DLGAP2: variants seen among roughly 807,000 people sequenced by gnomAD.
The protein encoded by DLGAP2 is disks large-associated protein 2.
DLGAP2 carries 26 observed loss-of-function variants against 100.3 expected under a neutral mutation model. The observed-to-expected ratio is 0.26, with a 90% CI of 0.19 to 0.36. The LOEUF is 0.36. Ranked by LOEUF, DLGAP2 falls within the 10% of genes least tolerant of loss-of-function variation. The probability of loss-of-function intolerance (pLI) is 1.00; values close to 1 mark genes in which losing one functional copy is unlikely to be tolerated. For synonymous variants in DLGAP2, 886 were observed against 630.1 expected, an observed-to-expected ratio of 1.41 and a Z score of -6.08; for missense variants, 1,858 against 1,453.2, an observed-to-expected ratio of 1.28 and a Z score of -4.53.
intron 2 of DLGAP2, among the ~76,000 whole-genome samples, chr8:1,144,967 G>A (rs181390247): frequency 3.1e-4 from 47 of 152,334 alleles, no homozygotes; most frequent in Admixed American, 2.5e-3. Context: ...GACCGCAGAC[G>A]GCCTGTATGA....
chr8:1,391,003 C>T (rs982329592), intron 3 of DLGAP2, among the ~76,000 whole-genome samples: 1 of 152,178 alleles, frequency 6.6e-6, no homozygotes, highest in Non-Finnish European at 1.5e-5. Context: ...GGGGCAGCAG[C>T]TGAACCCCCC....
intron 1 of DLGAP2, among the ~76,000 whole-genome samples, chr8:901,624 A>C (rs1336852326): frequency 1.3e-5 from 2 of 152,160 alleles, no homozygotes; most frequent in East Asian, 3.9e-4. Context: ...GCAGTATGTA[A>C]GCATGTGGAG....
At chr8:1,334,722 C>G (rs1040470967) in intron 3 of DLGAP2, among the ~76,000 whole-genome samples, 4 of 152,102 alleles carry the variant, frequency 2.6e-5, no homozygotes, top group Non-Finnish European at 4.4e-5. Flanking sequence ...GGCCGTGTGC[C>G]TTCTGTAGCA....
At chr8:1,683,265 G>A (rs34337086) in intron 12 of DLGAP2, among the ~76,000 whole-genome samples, 1,615 of 151,710 alleles carry the variant, frequency 0.011, 64 homozygotes, top group Non-Finnish European at 0.018. Flanking sequence ...GCCTTGACAC[G>A]CGGTTGGATT....
At chr8:969,176 C>T (rs1193155463) in intron 2 of DLGAP2, among the ~76,000 whole-genome samples, 1 of 152,192 alleles carries the variant, frequency 6.6e-6, no homozygotes, top group Non-Finnish European at 1.5e-5. Flanking sequence ...AAAGACCTGA[C>T]TAGAATGAAG....
chr8:953,814 C>CT (rs1799536953), intron 2 of DLGAP2, among the ~76,000 whole-genome samples: 1 of 151,824 alleles, frequency 6.6e-6, no homozygotes, highest in African/African-American at 2.4e-5. Flanking sequence ...GCAGCAGAAG[C>CT]GCTTTATGGG....
At chr8:1,133,070 G>A (rs973603830) in intron 2 of DLGAP2, among the ~76,000 whole-genome samples, 6 of 152,194 alleles carry the variant, frequency 3.9e-5, no homozygotes, top group African/African-American at 1.2e-4. Flanking sequence ...GCCTGTGAAG[G>A]ACAGTTCAAG....
At chr8:1,082,398 G>C (rs1452085830) in intron 2 of DLGAP2, among the ~76,000 whole-genome samples, 1 of 152,006 alleles carries the variant, frequency 6.6e-6, no homozygotes, top group Non-Finnish European at 1.5e-5. Context: ...ATATTGTCTG[G>C]ATCTAGCTAA....
chr8:997,408 C>G (rs1032169246), intron 2 of DLGAP2, among the ~76,000 whole-genome samples: 1 of 152,130 alleles, frequency 6.6e-6, no homozygotes, highest in Non-Finnish European at 1.5e-5. Context: ...AAAAGATACA[C>G]ATGTTATAAG....
At chr8:849,845 A>C (rs1360004239) in intron 1 of DLGAP2, among the ~76,000 whole-genome samples, 3 of 152,124 alleles carry the variant, frequency 2.0e-5, no homozygotes, top group African/African-American at 4.8e-5. Flanking sequence ...TGGGAGGCCA[A>C]GGTGGGCCAG....
At chr8:971,103 T>C (rs1800003207) in intron 2 of DLGAP2, among the ~76,000 whole-genome samples, 2 of 152,286 alleles carry the variant, frequency 1.3e-5, no homozygotes, top group East Asian at 3.9e-4. Context: ...ATTTAGATAA[T>C]TGGACTTTAT....
intron 2 of DLGAP2, among the ~76,000 whole-genome samples, chr8:1,233,450 G>C (rs115027722): frequency 6.6e-6 from 1 of 152,152 alleles, no homozygotes; most frequent in South Asian, 2.1e-4. Flanking sequence ...TGCCTACCAC[G>C]GGCCTGAATG....
intron 3 of DLGAP2, among the ~76,000 whole-genome samples, chr8:1,337,403 TGATGGTGATGGTGAG>T (rs1563091398): frequency 2.3e-3 from 1 of 432 alleles, no homozygotes; most frequent in African/African-American, 8.2e-3. Flanking sequence ...ATGATGGTGA[TGATGGTGATGGTGAG>T]GATGATGGTG....
intron 2 of DLGAP2, among the ~76,000 whole-genome samples, chr8:1,026,662 T>C (rs1225873899): frequency 6.6e-6 from 1 of 152,246 alleles, no homozygotes; most frequent in Non-Finnish European, 1.5e-5. Flanking sequence ...TCTGTAGACA[T>C]TGATTTTGTC....
chr8:1,147,900 A>C, intron 2 of DLGAP2, among the ~76,000 whole-genome samples: 1 of 152,286 alleles, frequency 6.6e-6, no homozygotes, highest in East Asian at 1.9e-4. Context: ...CTAATGTTTT[A>C]TTTAGTGTTT....
At chr8:905,082 C>T (rs1048989963) in intron 1 of DLGAP2, among the ~76,000 whole-genome samples, 5 of 152,082 alleles carry the variant, frequency 3.3e-5, no homozygotes, top group Non-Finnish European at 7.4e-5. Flanking sequence ...GCGCCTTTTT[C>T]GAACACAGAT....
At chr8:1,480,468 T>C (rs972379242) in intron 3 of DLGAP2, among the ~76,000 whole-genome samples, 3 of 152,160 alleles carry the variant, frequency 2.0e-5, no homozygotes, top group African/African-American at 7.2e-5. Flanking sequence ...AAATACAGCA[T>C]TGAAGCAAAC....
intron 2 of DLGAP2, among the ~76,000 whole-genome samples, chr8:1,091,181 C>T (rs1223836790): frequency 6.6e-6 from 1 of 152,196 alleles, no homozygotes; most frequent in Non-Finnish European, 1.5e-5. Context: ...GCATCTCTTC[C>T]TGGTCATGTA....
chr8:1,204,487 C>T (rs934637719), intron 2 of DLGAP2, among the ~76,000 whole-genome samples: 1 of 152,202 alleles, frequency 6.6e-6, no homozygotes, highest in Admixed American at 6.5e-5. Flanking sequence ...TACTGCATAC[C>T]TTCATCTATT....
Sources: allele counts gnomAD v4.1 joint callset (sites outside exome capture counted in the v4.1 genomes callset), GRCh38; gene constraint gnomAD v4.1.1; transcripts MANE v1.5; gene names NCBI Gene and HGNC (gene_info 2026-07-23, HGNC 2026-07-21).